The following GNB5 variants were observed in gnomAD, a reference collection of about 807,000 sequenced individuals.
GNB5 encodes the protein G protein subunit beta 5, also known as guanine nucleotide-binding protein subunit beta-5.
In GNB5, 37 loss-of-function variants were observed where a neutral mutation model predicts 55.3. The observed-to-expected ratio is 0.67, with a 90% CI of 0.51 to 0.88. The LOEUF (loss-of-function observed/expected upper bound fraction) is 0.88. Ranked by LOEUF, GNB5 falls within the 40% of genes least tolerant of loss-of-function variation. The probability of loss-of-function intolerance (pLI) is 0.00; values close to 1 mark genes in which losing one functional copy is unlikely to be tolerated. For synonymous variants in GNB5, 219 were observed against 198.5 expected (o/e 1.10, Z -0.87); for missense variants, 476 against 515.3 (o/e 0.92, Z 0.74).
intron 3 of GNB5, among the ~76,000 whole-genome samples, chr15:52,179,423 G>T (rs1319649591): frequency 1.3e-5 from 2 of 152,062 alleles, no homozygotes; most frequent in East Asian, 1.9e-4. Context: ...CGTCACCACC[G>T]ACACCCCACC....
chr15:52,130,516 G>A (rs1386834457), intron 9 of GNB5, among the ~76,000 whole-genome samples: 1 of 152,208 alleles, frequency 6.6e-6, no homozygotes, highest in Non-Finnish European at 1.5e-5. Flanking sequence ...CAAGAATTGG[G>A]TTTATGTCTC....
At chr15:52,161,783 C>T (rs1191203337) in intron 3 of GNB5, among the ~76,000 whole-genome samples, 1 of 152,256 alleles carries the variant, frequency 6.6e-6, no homozygotes, top group Non-Finnish European at 1.5e-5. Flanking sequence ...CAGGCTGGCC[C>T]TGTGCTGCGT....
intron 4 of GNB5, 143 bp from the exon 5 acceptor site, chr15:52,150,068 C>G (rs2034059144): frequency 1.5e-6 from 1 of 660,484 alleles, no homozygotes; most frequent in African/African-American, 1.8e-5. Context: ...ACCCCCTAAT[C>G]TATCCATGAA....
chr15:52,149,730 G>T (rs538929471), intron 5 of GNB5, 154 bp downstream of exon 5: 1 of 714,924 alleles, frequency 1.4e-6, no homozygotes, highest in Non-Finnish European at 2.6e-6. Flanking sequence ...GTTCAAACAC[G>T]GATAGGCCTT....
chr15:52,151,222 T>C (rs937485477), intron 4 of GNB5, among the ~76,000 whole-genome samples: 4 of 152,130 alleles, frequency 2.6e-5, no homozygotes, highest in African/African-American at 7.2e-5. Context: ...CACACCTGTA[T>C]CGTGGGGTCC....
At position 52,149,938 on chromosome 15, in the gene GNB5, G is replaced by C. The variant is rs1422441798; in HGVS notation, c.376-13C>G. ...TCACCTTCCCATCCTGGAGGGAGAAGAGCAAACAGTTTAGGGGTTGTCAAG... is the reference window on the plus strand; with the variant it reads ...TCACCTTCCCATCCTGGAGGGAGAACAGCAAACAGTTTAGGGGTTGTCAAG... On this transcript the variant is annotated splice_polypyrimidine_tract_variant and intron_variant, in intron 4 of 12. Coordinates refer to ENST00000261837, the MANE Select transcript of GNB5 (RefSeq NM_016194.4). The C allele has an allele frequency of 2.5e-6, 4 of 1,604,144 alleles. No individual in the cohort carries two copies. Among genetic ancestry groups the C allele is most frequent in the African/African-American group, 1.3e-5 (1 of 74,756 alleles).
intron 9 of GNB5, among the ~76,000 whole-genome samples, chr15:52,129,823 G>A (rs1478305188): frequency 6.6e-6 from 1 of 152,184 alleles, no homozygotes. Flanking sequence ...CATAGGGATG[G>A]TAAATGTCTT....
chr15:52,159,761 C>G (rs537944581), intron 3 of GNB5, among the ~76,000 whole-genome samples: 28 of 152,120 alleles, frequency 1.8e-4, no homozygotes, highest in Non-Finnish European at 4.0e-4. Context: ...GCAGACAGGT[C>G]AGCACCCAGG....
At chr15:52,183,781 C>T (rs1008316250) in intron 2 of GNB5, among the ~76,000 whole-genome samples, 2 of 152,126 alleles carry the variant, frequency 1.3e-5, no homozygotes, top group South Asian at 2.1e-4. Context: ...CACTATTGAG[C>T]GCAGCTTTGC....
chr15:52,119,003 G>A lies in GNB5; in HGVS notation c.*3754C>T, dbSNP rs1430313671. 1 of 136,172 alleles carries A rather than the reference G, an allele frequency of 7.3e-6. No homozygotes were observed. Among genetic ancestry groups the A allele is most frequent in the East Asian group, 2.0e-4 (1 of 4,996 alleles). 8.4% of individuals were successfully genotyped at this position (136,172 alleles called of 1,614,324 possible). ...AGTGGGGGCTGCCTATGGATGGGGAGGAGATGGGGAGAAAAGAAAGAGCTG... is the reference window on the plus strand; with the variant it reads ...AGTGGGGGCTGCCTATGGATGGGGAAGAGATGGGGAGAAAAGAAAGAGCTG... On this transcript the variant is annotated 3_prime_UTR_variant, in exon 13 of 13. Transcript: ENST00000261837.
chr15:52,190,189 C>T (rs2034900795), intron 1 of GNB5, among the ~76,000 whole-genome samples: 1 of 150,064 alleles, frequency 6.7e-6, no homozygotes, highest in Non-Finnish European at 1.5e-5. Flanking sequence ...GCAATCTCGG[C>T]TCACTGTAAG....
chr15:52,144,873 C>T (rs1224712603), intron 6 of GNB5, among the ~76,000 whole-genome samples: 1 of 152,170 alleles, frequency 6.6e-6, no homozygotes, highest in Non-Finnish European at 1.5e-5. Flanking sequence ...AGTGACCACA[C>T]CAGGGAGACG....
chr15:52,126,091 G>T, intron 10 of GNB5, 47 bp from the exon 11 acceptor site: 1 of 916,880 alleles, frequency 1.1e-6, no homozygotes, highest in Non-Finnish European at 1.8e-6. Flanking sequence ...GCTTCAGTTT[G>T]GTGACGTGAT....
intron 9 of GNB5, among the ~76,000 whole-genome samples, chr15:52,130,641 G>C (rs572345783): frequency 6.6e-6 from 1 of 152,318 alleles, no homozygotes; most frequent in South Asian, 2.1e-4. Flanking sequence ...CCTCAGTGCA[G>C]GAGATCGATG....
chr15:52,154,692 C>A (rs1422360249), intron 3 of GNB5, among the ~76,000 whole-genome samples: 1 of 152,220 alleles, frequency 6.6e-6, no homozygotes, highest in Non-Finnish European at 1.5e-5. Context: ...CTGGACATGG[C>A]AGGTTCCTCA....
chr15:52,124,882 C>T, intron 11 of GNB5: 1 of 396,542 alleles, frequency 2.5e-6, no homozygotes, highest in Non-Finnish European at 4.5e-6. Flanking sequence ...AAGTGCTTTA[C>T]ACACGTAAAG....
chr15:52,140,071 G>A (rs2033817167), intron 7 of GNB5: 1 of 764,472 alleles, frequency 1.3e-6, no homozygotes, highest in African/African-American at 1.8e-5. Context: ...CAAATAATAG[G>A]TGTAAACAAC....
intron 8 of GNB5, among the ~76,000 whole-genome samples, chr15:52,135,171 G>T (rs1163743232): frequency 2.0e-5 from 3 of 152,048 alleles, no homozygotes; most frequent in Admixed American, 6.6e-5. Context: ...AGGCCTCAAA[G>T]TCCTGGTGGC....
At chr15:52,143,680 T>A (rs2033908690) in intron 6 of GNB5, among the ~76,000 whole-genome samples, 1 of 152,190 alleles carries the variant, frequency 6.6e-6, no homozygotes, top group African/African-American at 2.4e-5. Flanking sequence ...AATATCCCCA[T>A]TATTACCTAC....
Sources: allele counts gnomAD v4.1 joint callset (sites outside exome capture counted in the v4.1 genomes callset), GRCh38; gene constraint gnomAD v4.1.1; transcripts MANE v1.5; gene names NCBI Gene and HGNC (gene_info 2026-07-23, HGNC 2026-07-21).